The following PAGE3 variants were observed in gnomAD, a reference collection of about 807,000 sequenced individuals.
PAGE3 encodes PAGE family member 3, also known as P antigen family member 3.
In PAGE3, 9 loss-of-function variants were observed where a neutral mutation model predicts 3.8. That is an observed-to-expected ratio of 2.36 (90% CI 1.42 to 4.12). The LOEUF is 4.12. Ranked by LOEUF, PAGE3 falls within the 30% of genes most tolerant of loss-of-function variation. The pLI is 0.00. For missense variants in PAGE3, 73 were observed against 37.8 expected, an observed-to-expected ratio of 1.93 and a Z score of -2.44; for synonymous variants, 24 against 13.1, an observed-to-expected ratio of 1.83 and a Z score of -1.79.
intron 4 of PAGE3, 148 bp downstream of exon 4, chrX:55,260,386 C>T: frequency 2.9e-6 from 1 of 343,935 alleles, no homozygotes; most frequent in Non-Finnish European, 5.2e-6. Flanking sequence ...ATTAGTCAGG[C>T]TTTTGGGGAC....
intron 4 of PAGE3, among the ~76,000 whole-genome samples, chrX:55,259,277 G>C (rs1398643436): frequency 9.1e-6 from 1 of 109,943 alleles, no homozygotes; most frequent in Non-Finnish European, 1.9e-5. Flanking sequence ...AGGAGAGAGA[G>C]AAAGAGAAGA....
chrX:55,263,966 C>T, intron 1 of PAGE3, 55 bp from the exon 2 acceptor site: 5 of 489,458 alleles, frequency 1.0e-5, no homozygotes, highest in African/African-American at 4.7e-5. Flanking sequence ...ATCATTTGAC[C>T]TTTTCCATGG....
chrX:55,260,860 C>T (rs1045975006), intron 3 of PAGE3, among the ~76,000 whole-genome samples: 3 of 111,369 alleles, frequency 2.7e-5, no homozygotes, highest in Non-Finnish European at 5.7e-5. Context: ...ATATTATCAC[C>T]CTTTTCTTTT....
intron 3 of PAGE3, among the ~76,000 whole-genome samples, chrX:55,261,068 GAA>G (rs1167765157): frequency 9.0e-6 from 1 of 110,603 alleles, no homozygotes; most frequent in African/African-American, 3.3e-5. Flanking sequence ...AGTGTTGAGT[GAA>G]AAAAAAGTAT....
intron 3 of PAGE3, among the ~76,000 whole-genome samples, chrX:55,262,303 T>C (rs6612283): frequency 0.34 from 37,005 of 110,233 alleles, 4,682 homozygotes; most frequent in Admixed American, 0.44. Flanking sequence ...TTAAAAATTA[T>C]ACTGAACCAG....
At chrX:55,262,707 TATATATATATATATATATATATATATGTA>T (rs1250074078) in intron 3 of PAGE3, among the ~76,000 whole-genome samples, 3 of 5,710 alleles carry the variant, frequency 5.3e-4, no homozygotes, top group East Asian at 0.33. Flanking sequence ...ACATATGATA[TATATATATATATATATATATATATATGTA>T]ATATATATAT....
chrX:55,263,758 T>C, intron 2 of PAGE3, 62 bp downstream of exon 2: 1 of 523,990 alleles, frequency 1.9e-6, no homozygotes, highest in Non-Finnish European at 3.4e-6. Context: ...TCAATATTAG[T>C]TCAACAACAT....
chrX:55,260,396 C>T, intron 4 of PAGE3, 138 bp downstream of exon 4: 1 of 354,831 alleles, frequency 2.8e-6, no homozygotes, highest in Non-Finnish European at 5.0e-6. Context: ...CTTTTGGGGA[C>T]TGAACTATCT....
chrX:55,264,104 T>C (rs1017552917), intron 1 of PAGE3, among the ~76,000 whole-genome samples, 193 bp from the exon 2 acceptor site: 2 of 111,769 alleles, frequency 1.8e-5, no homozygotes, highest in Non-Finnish European at 3.8e-5. Flanking sequence ...GTTATGGCTA[T>C]GGTAGCAGGC....
At chrX:55,263,396 G>C (rs372818168) in intron 2 of PAGE3, 37 bp from the exon 3 acceptor site, 1 of 539,641 alleles carries the variant, frequency 1.9e-6, no homozygotes. Flanking sequence ...AAAAAGGTCT[G>C]TTATTAATAA....
intron 3 of PAGE3, among the ~76,000 whole-genome samples, chrX:55,262,741 A>G (rs977716301): frequency 4.9e-5 from 5 of 102,475 alleles, no homozygotes; most frequent in African/African-American, 1.1e-4. Flanking sequence ...TATGTAATAT[A>G]TATATCACAT....
chrX:55,258,679 C>T (rs1938236741), intron 4 of PAGE3, 151 bp from the exon 5 acceptor site: 1 of 361,756 alleles, frequency 2.8e-6, no homozygotes, highest in African/African-American at 2.7e-5. Flanking sequence ...GCTATAGAGA[C>T]TTTGAAGGTA....
At chrX:55,262,367 C>T (rs1938302292) in intron 3 of PAGE3, among the ~76,000 whole-genome samples, 1 of 111,383 alleles carries the variant, frequency 9.0e-6, no homozygotes, top group East Asian at 2.8e-4. Context: ...ACTTTCCATA[C>T]ACAAATTTCA....
chrX:55,260,634 CCA>C lies in PAGE3; in HGVS notation c.217_218del (p.Trp73GlyfsTer10), dbSNP rs756552305. The C allele has an allele frequency of 1.6e-5, 9 of 556,974 alleles. No individual in the cohort carries two copies. In the East Asian group the frequency reaches 2.6e-4, roughly 16 times the overall value. The allele number at this position is 556,974 out of a possible 1,213,427, so 45.9% of individuals were successfully genotyped here. ...CCCCAGTCTTTGACCGAGTCAGTTC[CCA>C]GAGATAGGCTGCCAGGCCTAGCACT... Reference protein sequence around the residue: ...FQVLGLAAYLWELTRSKTGGE... With the variant: ...FQVLGLAAYLXELTRSKTGGE... On this transcript the variant is annotated frameshift_variant, in exon 4 of 5. Coordinates refer to ENST00000374951, the MANE Select transcript of PAGE3 (RefSeq NM_001017931.3). LOFTEE classifies it high-confidence loss of function.
chrX:55,263,497 A>G (rs1289606126), intron 2 of PAGE3, 138 bp from the exon 3 acceptor site: 9 of 419,952 alleles, frequency 2.1e-5, no homozygotes, highest in Non-Finnish European at 3.3e-5. Flanking sequence ...AATTCTACAT[A>G]TACTTATTCT....
intron 3 of PAGE3, among the ~76,000 whole-genome samples, chrX:55,261,206 G>A (rs1030203955): frequency 3.6e-5 from 4 of 111,436 alleles, no homozygotes; most frequent in Non-Finnish European, 7.5e-5. Context: ...AGATTAAATA[G>A]GATTGACAAC....
intron 4 of PAGE3, among the ~76,000 whole-genome samples, chrX:55,259,516 T>C (rs1005329007): frequency 5.4e-5 from 6 of 111,105 alleles, no homozygotes; most frequent in Non-Finnish European, 7.6e-5. Flanking sequence ...CTCAAGAATG[T>C]ATCCACTTTT....
At chrX:55,261,306 T>C (rs1938284916) in intron 3 of PAGE3, among the ~76,000 whole-genome samples, 1 of 111,426 alleles carries the variant, frequency 9.0e-6, no homozygotes, top group South Asian at 3.7e-4. Context: ...AGCTATATAT[T>C]AAACAACTGC....
intron 4 of PAGE3, among the ~76,000 whole-genome samples, chrX:55,259,899 C>T (rs1449466823): frequency 9.0e-6 from 1 of 110,657 alleles, no homozygotes; most frequent in Non-Finnish European, 1.9e-5. Context: ...TCTAAATATT[C>T]TAATGGAATG....
Sources: allele counts gnomAD v4.1 joint callset (sites outside exome capture counted in the v4.1 genomes callset), GRCh38; gene constraint gnomAD v4.1.1; transcripts MANE v1.5; gene names NCBI Gene and HGNC (gene_info 2026-07-23, HGNC 2026-07-21).